The following MCF2L variants were observed in gnomAD, a reference collection of about 807,000 sequenced individuals.
MCF2L encodes the protein MCF.2 cell line derived transforming sequence like, also known as guanine nucleotide exchange factor DBS.
A neutral mutation model predicts 153.4 loss-of-function variants in MCF2L; 97 were observed. That is an observed-to-expected ratio of 0.63 (90% confidence interval 0.54 to 0.75). The LOEUF (loss-of-function observed/expected upper bound fraction) is 0.75, where lower values mean the gene tolerates loss of function less well. Ranked by LOEUF, MCF2L falls within the 30% of genes least tolerant of loss-of-function variation. The probability of loss-of-function intolerance (pLI) is 0.00; values close to 1 mark genes in which losing one functional copy is unlikely to be tolerated. For synonymous variants in MCF2L, 659 were observed against 632.2 expected (o/e 1.04, Z -0.64); for missense variants, 1,347 against 1,495.2 (o/e 0.90, Z 1.64).
At chr13:113,024,953 G>A in intron 3 of MCF2L, 195 bp downstream of exon 3, 4 of 561,496 alleles carry the variant, frequency 7.1e-6, no homozygotes, top group Non-Finnish European at 1.3e-5. Context: ...CGTGACTGTG[G>A]GTCAGGGCAG....
chr13:112,938,126 T>TCAGGTGAGCGCTGAGGGGTTGGTC (rs2081539183), intron 2 of MCF2L, among the ~76,000 whole-genome samples: 5 of 146,180 alleles, frequency 3.4e-5, no homozygotes, highest in African/African-American at 1.3e-4. Flanking sequence ...AGGGGTTGGT[T>TCAGGTGAGCGCTGAGGGGTTGGTC]CAGGTGAGCG....
At chr13:112,954,386 A>G (rs1237734581) in intron 2 of MCF2L, among the ~76,000 whole-genome samples, 1 of 152,056 alleles carries the variant, frequency 6.6e-6, no homozygotes, top group Non-Finnish European at 1.5e-5. Context: ...TCGAGGAGGC[A>G]GCACCCCCGG....
chr13:113,084,536 C>T, intron 18 of MCF2L: 1 of 353,930 alleles, frequency 2.8e-6, no homozygotes. Flanking sequence ...ATTTGTAAAA[C>T]TGCCAGAGAA....
At chr13:112,968,415 C>A, upstream of MCF2L, 1 of 1,562,838 alleles carries the variant, frequency 6.4e-7, no homozygotes, top group Non-Finnish European at 8.6e-7. Flanking sequence ...CTGCAGGTGG[C>A]AGCCAGGACG....
At position 113,085,071 on chromosome 13, in the gene MCF2L, C is replaced by G; in HGVS notation, c.2155-15C>G. 1 of 1,613,416 alleles carries G rather than the reference C, an allele frequency of 6.2e-7. No homozygotes were observed. Among genetic ancestry groups the G allele is most frequent in the Non-Finnish European group, 8.5e-7 (1 of 1,179,644 alleles). On this transcript the variant is annotated splice_polypyrimidine_tract_variant and intron_variant, in intron 19 of 29. Transcript: ENST00000535094. Reference sequence around the variant, plus strand: ...ATGAAAATTGTGCAAACCAAAGGCTCTGGGTTGGTTCCAGGAATGCCAGAG... The same window carrying G: ...ATGAAAATTGTGCAAACCAAAGGCTGTGGGTTGGTTCCAGGAATGCCAGAG...
In MCF2L at chr13:112,934,830, C is replaced by G. The variant is rs527474918; in HGVS notation, c.169+32459C>G. 2.0e-5 allele frequency among the ~76,000 whole-genome samples: 3 copies of G among 152,170 alleles called. No individual in the cohort carries two copies. The East Asian group carries it at 5.8e-4, about 29-fold the overall frequency. On this transcript the variant is annotated intron_variant, in intron 2 of 29. Transcript: ENST00000375608. ...CAGACACCCCACATTACAAATAGGC[C>G]AGCCTTTCCCCTGGGCGCCCCCGCC...
chr13:113,004,048 A>C (rs2083535248), intron 1 of MCF2L, among the ~76,000 whole-genome samples: 1 of 152,156 alleles, frequency 6.6e-6, no homozygotes. Context: ...GACTGTTCTC[A>C]TTCTCCTTTA....
intron 4 of MCF2L, among the ~76,000 whole-genome samples, chr13:113,057,432 G>T (rs1244498604): frequency 3.4e-4 from 49 of 145,810 alleles, no homozygotes; most frequent in Admixed American, 3.3e-3. Flanking sequence ...GGTGCTGAGT[G>T]TTGGGCACTG....
chr13:113,040,187 T>C (rs907918493), intron 3 of MCF2L, among the ~76,000 whole-genome samples: 1 of 152,208 alleles, frequency 6.6e-6, no homozygotes, highest in South Asian at 2.1e-4. Flanking sequence ...AACTAATGTA[T>C]GGTGACAAGA....
At position 113,088,561 on chromosome 13, in the gene MCF2L, G is replaced by A; in HGVS notation, c.2768-1G>A. 1 of 1,611,140 alleles carries A rather than the reference G, an allele frequency of 6.2e-7. No homozygotes were observed. On this transcript the variant is annotated splice_acceptor_variant, in intron 24 of 29. Coordinates refer to ENST00000535094, the MANE Select transcript of MCF2L (RefSeq NM_001112732.3). LOFTEE classifies it high-confidence loss of function. ...GTGGTTTGTCTGCTCCCTCCTCGCA[G>A]AAGCCAGCCAGCACCGGGCGCTGGA... is the stretch of plus-strand genomic sequence containing the variant.
rs761496669 is a variant in MCF2L at position 113,078,457 on chromosome 13, C to T, written c.1734+21C>T. ...CCAAGGTGAGGCTTGCCCAAGACAA[C>T]CCCGCCATCCACACCCCCCTCCTTG... is the stretch of plus-strand genomic sequence containing the variant. On this transcript the variant is annotated intron_variant, in intron 14 of 29. Transcript: ENST00000535094. 6 of 1,599,922 alleles carry T rather than the reference C, an allele frequency of 3.8e-6. No individual in the cohort carries two copies. In the South Asian group the frequency reaches 5.6e-5, roughly 15 times the overall value.
At chr13:112,902,379 C>A in intron 2 of MCF2L, 1 of 1,610,672 alleles carries the variant, frequency 6.2e-7, no homozygotes, top group Non-Finnish European at 8.5e-7. Flanking sequence ...CAGGTAGGCG[C>A]CTGGTGCTGC....
At chr13:112,903,969 G>GTAA (rs1458478494) in intron 2 of MCF2L, among the ~76,000 whole-genome samples, 1 of 152,178 alleles carries the variant, frequency 6.6e-6, no homozygotes, top group African/African-American at 2.4e-5. Context: ...CAGACAGCTG[G>GTAA]CTGCCCTGAC....
At position 113,031,240 on chromosome 13, in the gene MCF2L, CAGAG is replaced by C. The variant is rs200910365; in HGVS notation, c.278+6485_278+6488del. ...GACAGAGAGAGACAGAGAGAAGAGA[CAGAG>C]AGTGACAGAGATAGAGACAGACAGA... On this transcript the variant is annotated intron_variant, in intron 3 of 29. Coordinates refer to ENST00000535094, the MANE Select transcript of MCF2L (RefSeq NM_001112732.3). This position sits in a 1 kb window ranked among gnomAD's most constrained non-coding sequence, Gnocchi z 5.5. Among the ~76,000 whole-genome samples the C allele has an allele frequency of 1.1e-5, 1 of 93,360 alleles. No homozygotes were observed. The allele number at this position is 93,360 out of a possible 152,430, so 61.2% of individuals were successfully genotyped here.
At chr13:113,083,082 C>T (rs1050328750) in intron 17 of MCF2L, among the ~76,000 whole-genome samples, 2 of 152,198 alleles carry the variant, frequency 1.3e-5, no homozygotes, top group South Asian at 2.1e-4. Context: ...GGCCTCTTGT[C>T]CTCCACTCCT....
chr13:112,914,759 G>A (rs1446304037), intron 2 of MCF2L, among the ~76,000 whole-genome samples: 2 of 152,142 alleles, frequency 1.3e-5, no homozygotes, highest in African/African-American at 4.8e-5. Flanking sequence ...CCATATTTTA[G>A]CTGGGTTGCT....
chr13:113,047,934 G>A (rs1594821737), intron 4 of MCF2L, among the ~76,000 whole-genome samples: 2 of 152,274 alleles, frequency 1.3e-5, no homozygotes, highest in African/African-American at 4.8e-5. Context: ...CTCGCTACGC[G>A]TGCCCCAGTG....
chr13:112,897,983 C>T (rs2081083747), intron 1 of MCF2L, among the ~76,000 whole-genome samples: 1 of 152,028 alleles, frequency 6.6e-6, no homozygotes, highest in Non-Finnish European at 1.5e-5. Context: ...CCAGCCCCAG[C>T]CCCGGCCCCG....
intron 2 of MCF2L, among the ~76,000 whole-genome samples, chr13:112,916,406 C>G (rs142612275): frequency 7.4e-4 from 112 of 152,274 alleles, no homozygotes; most frequent in African/African-American, 2.6e-3. Context: ...TTTAGAAAAT[C>G]TTCTGAGCTC....
Sources: gnomAD v4.1 joint callset for allele counts (sites outside exome capture counted in the v4.1 genomes callset) on GRCh38, gnomAD v4.1.1 for gene constraint, Gnocchi (gnomAD v3.1) non-coding constraint, MANE v1.5 for transcripts, NCBI Gene and HGNC (gene_info 2026-07-23, HGNC 2026-07-21) for gene names.